RHOA: variants seen among roughly 807,000 people sequenced by gnomAD.
RHOA encodes ras homolog family member A.
A neutral mutation model predicts 17.5 loss-of-function variants in RHOA; 3 were observed. The ratio of observed to expected loss-of-function variants is 0.17; its 90% CI spans 0.08 to 0.44. RHOA has a LOEUF of 0.44. Ranked by LOEUF, RHOA falls within the 20% of genes least tolerant of loss-of-function variation. RHOA has a pLI of 0.99. For missense variants in RHOA, 56 were observed against 242.3 expected (o/e 0.23, Z 5.10); for synonymous variants, 98 against 88.4 (o/e 1.11, Z -0.61).
intron 1 of RHOA, among the ~76,000 whole-genome samples, chr3:49,393,490 G>T (rs1183952430): frequency 6.6e-6 from 1 of 151,694 alleles, no homozygotes; most frequent in Non-Finnish European, 1.5e-5. Flanking sequence ...TAGAGATGGG[G>T]TTCCATCATA....
At chr3:49,389,989 A>G (rs1207496533) in intron 1 of RHOA, among the ~76,000 whole-genome samples, 7 of 151,140 alleles carry the variant, frequency 4.6e-5, no homozygotes, top group Non-Finnish European at 8.9e-5. Context: ...CTTGATTAGT[A>G]GGCCCAAGTA....
At chr3:49,403,403 G>A (rs1282756794) in intron 1 of RHOA, among the ~76,000 whole-genome samples, 1 of 152,114 alleles carries the variant, frequency 6.6e-6, no homozygotes, top group Non-Finnish European at 1.5e-5. Flanking sequence ...AATTACTTGG[G>A]TATACACATT....
rs548114584 is a variant in RHOA at position 49,398,328 on chromosome 3, G to A, written c.-3+13492C>T. ...AGATCGCACCACTGCACTCCACCCT[G>A]GGTAACAGAGCAAGACTTTGTCAAA... On this transcript the variant is annotated intron_variant, in intron 1 of 4. Coordinates refer to ENST00000418115, the MANE Select transcript of RHOA (RefSeq NM_001664.4). Among the ~76,000 whole-genome samples the A allele has an allele frequency of 6.2e-4, 95 of 152,044 alleles. No homozygotes were observed. The South Asian group carries it at 8.1e-3, about 13-fold the overall frequency.
rs577372666 is a variant in RHOA at position 49,386,559 on chromosome 3, G to C, written c.-2-10968C>G. ...AGTAAATTAAGCAATCCGTTTCAGA[G>C]TACACATTTCTAAACATTCCACTGT... On this transcript the variant is annotated intron_variant, in intron 1 of 4. Coordinates refer to ENST00000418115, the MANE Select transcript of RHOA (RefSeq NM_001664.4). Among the ~76,000 whole-genome samples the C allele has an allele frequency of 2.0e-5, 3 of 152,240 alleles. No individual in the cohort carries two copies. The East Asian group carries it at 5.8e-4, about 29-fold the overall frequency.
chr3:49,400,918 C>T (rs375978761), intron 1 of RHOA, among the ~76,000 whole-genome samples: 1 of 150,364 alleles, frequency 6.7e-6, no homozygotes. Flanking sequence ...TAGTGGCGGG[C>T]GCCTGTAGTC....
chr3:49,390,656 G>T (rs1389442209), intron 1 of RHOA, among the ~76,000 whole-genome samples: 1 of 152,026 alleles, frequency 6.6e-6, no homozygotes, highest in African/African-American at 2.4e-5. Flanking sequence ...AACAAAAGTT[G>T]GACTGGAAAA....
intron 4 of RHOA, chr3:49,360,968 G>A (rs1222841479): frequency 1.5e-5 from 5 of 331,344 alleles, no homozygotes; most frequent in Non-Finnish European, 3.0e-5. Context: ...AGCTACTCAG[G>A]AGGCTGAGGC....
intron 1 of RHOA, among the ~76,000 whole-genome samples, chr3:49,383,534 G>A (rs1320279502): frequency 1.3e-5 from 2 of 152,020 alleles, no homozygotes; most frequent in Non-Finnish European, 2.9e-5. Context: ...CCTTATAGAT[G>A]GGGAATAAAT....
intron 3 of RHOA, 69 bp downstream of exon 3, chr3:49,368,359 G>T (rs749407907): frequency 7.0e-6 from 11 of 1,565,820 alleles, no homozygotes; most frequent in Non-Finnish European, 9.6e-6. Flanking sequence ...TCAGCCACTT[G>T]ATGCCCAGAA....
intron 1 of RHOA, among the ~76,000 whole-genome samples, chr3:49,399,798 T>C (rs1387321373): frequency 6.6e-6 from 1 of 152,130 alleles, no homozygotes; most frequent in African/African-American, 2.4e-5. Context: ...AATAAAACTA[T>C]TATGTTTTCG....
At chr3:49,369,809 T>C (rs1231643196) in intron 2 of RHOA, among the ~76,000 whole-genome samples, 5 of 152,010 alleles carry the variant, frequency 3.3e-5, no homozygotes, top group African/African-American at 1.2e-4. Flanking sequence ...GGCTCACGCC[T>C]GTAATCCCAG....
intron 1 of RHOA, among the ~76,000 whole-genome samples, chr3:49,411,358 G>A (rs750253604): frequency 2.0e-5 from 3 of 152,224 alleles, no homozygotes; most frequent in Non-Finnish European, 4.4e-5. Flanking sequence ...ATATGAAACA[G>A]TGATTGTCGT....
At chr3:49,396,401 C>G (rs538178204) in intron 1 of RHOA, among the ~76,000 whole-genome samples, 8 of 151,422 alleles carry the variant, frequency 5.3e-5, no homozygotes, top group Non-Finnish European at 8.8e-5. Context: ...TGGTGAGACC[C>G]TGACTCTACT....
In RHOA at chr3:49,367,342, C is replaced by CAAAAAA. The variant is rs62926260; in HGVS notation, c.277+1080_277+1085dup. On this transcript the variant is annotated intron_variant, in intron 3 of 4. Coordinates refer to ENST00000418115, the MANE Select transcript of RHOA (RefSeq NM_001664.4). ...TGGGAGACAGAGCAAGACTCCCTCT[C>CAAAAAA]AAAAAAAAAAAAAAAAAAAAAAAAG... 5.4e-3 allele frequency among the ~76,000 whole-genome samples: 431 copies of CAAAAAA among 80,344 alleles called. 1 individual carries two copies. Among genetic ancestry groups the CAAAAAA allele is most frequent in the Non-Finnish European group, 6.7e-3 (296 of 43,898 alleles). The allele number at this position is 80,344 out of a possible 152,430, so 52.7% of individuals were successfully genotyped here. A position where few individuals can be genotyped will look rare whatever the true frequency, so the allele number is the denominator to read the frequency against.
intron 1 of RHOA, among the ~76,000 whole-genome samples, chr3:49,399,141 A>C (rs1002914118): frequency 4.7e-5 from 7 of 148,324 alleles, no homozygotes; most frequent in African/African-American, 1.7e-4. Context: ...AGGCCGAGGC[A>C]GGCAGATCAC....
chr3:49,406,810 G>A (rs1439651532), intron 1 of RHOA: 1 of 151,636 alleles, frequency 6.6e-6, no homozygotes, highest in Non-Finnish European at 1.5e-5. Context: ...ACCATCTCTA[G>A]TACAAAAAAA....
Position 49,360,157 on chromosome 3 carries a change from A to T in RHOA, c.*52T>A. 2.0e-6 allele frequency: 3 copies of T among 1,535,598 alleles called. No homozygotes were observed. Among genetic ancestry groups the T allele is most frequent in the Non-Finnish European group, 2.6e-6 (3 of 1,132,790 alleles). On this transcript the variant is annotated 3_prime_UTR_variant, in exon 5 of 5. Coordinates refer to ENST00000418115, the MANE Select transcript of RHOA (RefSeq NM_001664.4). ...GGCCAGTAATCATACACTAAGATTA[A>T]TAAACAGCACTTCAAAATTAACCGC...
chr3:49,383,158 G>A (rs1234172825), intron 1 of RHOA, among the ~76,000 whole-genome samples: 1 of 152,142 alleles, frequency 6.6e-6, no homozygotes, highest in African/African-American at 2.4e-5. Context: ...TTTCGGCCAG[G>A]TGTGGTGGCT....
chr3:49,364,406 AC>A (rs1397499244), intron 3 of RHOA, among the ~76,000 whole-genome samples: 2 of 152,106 alleles, frequency 1.3e-5, no homozygotes, highest in African/African-American at 4.8e-5. Flanking sequence ...AATCGCTTGA[AC>A]CCGGGAGGCG....
Sources: gnomAD v4.1 joint callset for allele counts (sites outside exome capture counted in the v4.1 genomes callset) on GRCh38, gnomAD v4.1.1 for gene constraint, MANE v1.5 for transcripts, NCBI Gene and HGNC (gene_info 2026-07-23, HGNC 2026-07-21) for gene names.